The following ARHGAP26 variants were observed in gnomAD, a reference collection of about 807,000 sequenced individuals.
ARHGAP26 encodes Rho GTPase activating protein 26.
ARHGAP26 carries 38 observed loss-of-function variants against 104.8 expected under a neutral mutation model. That is an observed-to-expected ratio of 0.36 (90% confidence interval 0.28 to 0.48). The LOEUF (loss-of-function observed/expected upper bound fraction) is 0.48. Among genes scored for constraint, ARHGAP26 ranks in the 20% least tolerant of loss-of-function variants. ARHGAP26 has a pLI of 0.99. For missense variants in ARHGAP26, 704 were observed against 947.9 expected, an observed-to-expected ratio of 0.74 and a Z score of 3.38; for synonymous variants, 341 against 340.0, an observed-to-expected ratio of 1.00 and a Z score of -0.03.
intron 20 of ARHGAP26, among the ~76,000 whole-genome samples, chr5:143,149,176 A>G (rs2150991312): frequency 6.6e-6 from 1 of 152,092 alleles, no homozygotes; most frequent in Non-Finnish European, 1.5e-5. Context: ...CCTGCCTGGT[A>G]CAGATCTGGG....
chr5:143,185,463 T>A (rs76245298), intron 20 of ARHGAP26, among the ~76,000 whole-genome samples: 1 of 152,212 alleles, frequency 6.6e-6, no homozygotes, highest in Non-Finnish European at 1.5e-5. Flanking sequence ...CTCCTTTTTT[T>A]CTTTTACCAA....
chr5:142,962,435 G>A (rs1007794137), intron 11 of ARHGAP26, among the ~76,000 whole-genome samples: 1 of 152,140 alleles, frequency 6.6e-6, no homozygotes, highest in Non-Finnish European at 1.5e-5. Flanking sequence ...AGTAGGAAAA[G>A]CCAACACCCT....
intron 11 of ARHGAP26, among the ~76,000 whole-genome samples, chr5:143,000,300 A>T (rs974635643): frequency 8.5e-5 from 13 of 152,388 alleles, no homozygotes; most frequent in African/African-American, 3.1e-4. Flanking sequence ...AAGTGAAAAC[A>T]CATGTCTTCA....
chr5:143,171,726 A>G (rs1213159381), intron 20 of ARHGAP26, among the ~76,000 whole-genome samples: 1 of 152,150 alleles, frequency 6.6e-6, no homozygotes, highest in African/African-American at 2.4e-5. Flanking sequence ...TAAAAACAAA[A>G]CTAAAAACTT....
intron 20 of ARHGAP26, among the ~76,000 whole-genome samples, chr5:143,206,768 A>G (rs1475624002): frequency 6.6e-6 from 1 of 152,212 alleles, no homozygotes; most frequent in Non-Finnish European, 1.5e-5. Flanking sequence ...CCAGAAGAAA[A>G]AAAACATGGT....
At chr5:142,994,963 T>C (rs1282589938) in intron 11 of ARHGAP26, among the ~76,000 whole-genome samples, 1 of 152,220 alleles carries the variant, frequency 6.6e-6, no homozygotes, top group Non-Finnish European at 1.5e-5. Context: ...TTGGGAAAAC[T>C]GGCTAGCCAT....
At chr5:143,051,274 C>T (rs1330643864) in intron 14 of ARHGAP26, among the ~76,000 whole-genome samples, 3 of 152,202 alleles carry the variant, frequency 2.0e-5, no homozygotes, top group Admixed American at 1.3e-4. Context: ...TGTGACATTT[C>T]TAAGACGTTC....
intron 20 of ARHGAP26, among the ~76,000 whole-genome samples, chr5:143,162,937 A>G (rs141161030): frequency 6.0e-4 from 91 of 152,018 alleles, no homozygotes; most frequent in African/African-American, 2.2e-3. Context: ...CCTGGACAAC[A>G]TGACATACCA....
chr5:143,132,502 G>T (rs1194527764), intron 18 of ARHGAP26, among the ~76,000 whole-genome samples: 1 of 151,858 alleles, frequency 6.6e-6, no homozygotes, highest in Non-Finnish European at 1.5e-5. Flanking sequence ...TATAGTGGGG[G>T]TGTTATGCAG....
intron 22 of ARHGAP26, 87 bp from the exon 23 acceptor site, chr5:143,222,271 A>ACACACACACACACACCC (rs2151436119): frequency 2.8e-6 from 2 of 711,092 alleles, no homozygotes; most frequent in East Asian, 2.9e-5. Flanking sequence ...ACACACACAC[A>ACACACACACACACACCC]CACACACACA....
chr5:142,841,844 T>C (rs543944363), intron 1 of ARHGAP26, among the ~76,000 whole-genome samples: 85 of 152,228 alleles, frequency 5.6e-4, no homozygotes, highest in Non-Finnish European at 8.2e-4. Flanking sequence ...CATAGAGAGA[T>C]TTTTGTTTTC....
chr5:143,004,017 CAAAAAAAAAAAA>C (rs144058530), intron 11 of ARHGAP26, among the ~76,000 whole-genome samples: 1 of 118,176 alleles, frequency 8.5e-6, no homozygotes, highest in African/African-American at 3.7e-5. Context: ...AATTTATAGA[CAAAAAAAAAAAA>C]AAAAAAAAAG....
intron 22 of ARHGAP26, among the ~76,000 whole-genome samples, chr5:143,217,730 C>T (rs894096937): frequency 5.9e-5 from 9 of 152,222 alleles, no homozygotes; most frequent in Non-Finnish European, 1.2e-4. Context: ...ATCTTCGCTG[C>T]CACGCCCAAG....
At chr5:143,077,586 G>A (rs755250084) in intron 17 of ARHGAP26, among the ~76,000 whole-genome samples, 2 of 152,318 alleles carry the variant, frequency 1.3e-5, no homozygotes, top group Admixed American at 6.5e-5. Flanking sequence ...AAGGCTCACC[G>A]TAGATGACTA....
intron 11 of ARHGAP26, among the ~76,000 whole-genome samples, chr5:142,984,156 C>G (rs1209936444): frequency 6.6e-6 from 1 of 152,166 alleles, no homozygotes; most frequent in Non-Finnish European, 1.5e-5. Flanking sequence ...GTGGTTCAGG[C>G]AGGGAGAAGG....
At chr5:142,899,097 C>G (rs1759902848) in intron 6 of ARHGAP26, among the ~76,000 whole-genome samples, 1 of 152,234 alleles carries the variant, frequency 6.6e-6, no homozygotes, top group South Asian at 2.1e-4. Flanking sequence ...CATGGCCATG[C>G]TTGTCTGTGT....
chr5:143,083,028 G>A (rs1352661850), intron 17 of ARHGAP26, among the ~76,000 whole-genome samples: 2 of 152,020 alleles, frequency 1.3e-5, no homozygotes, highest in African/African-American at 4.8e-5. Flanking sequence ...CCATATCGAT[G>A]AGTTAGAGCT....
At chr5:143,213,873 G>T (rs1026921213) in intron 21 of ARHGAP26, 124 bp from the exon 22 acceptor site, 35 of 514,608 alleles carry the variant, frequency 6.8e-5, no homozygotes, top group Admixed American at 3.1e-4. Flanking sequence ...TGGCTGCCTT[G>T]CCAGGCACTT....
At chr5:143,045,850 T>A (rs190806673) in intron 14 of ARHGAP26, among the ~76,000 whole-genome samples, 13 of 152,096 alleles carry the variant, frequency 8.5e-5, no homozygotes, top group African/African-American at 3.1e-4. Context: ...ATACAAAAAT[T>A]AGGCTGGGTG....
Sources: allele counts gnomAD v4.1 joint callset (sites outside exome capture counted in the v4.1 genomes callset), GRCh38; gene constraint gnomAD v4.1.1; transcripts MANE v1.5; gene names NCBI Gene and HGNC (gene_info 2026-07-23, HGNC 2026-07-21).